The following ANKRD17 variants were observed in gnomAD, a reference collection of about 807,000 sequenced individuals.
ANKRD17 encodes ankyrin repeat domain-containing protein 17.
In ANKRD17, 19 loss-of-function variants were observed where a neutral mutation model predicts 229.7. The observed-to-expected ratio is 0.08, with a 90% confidence interval of 0.06 to 0.12. The LOEUF (loss-of-function observed/expected upper bound fraction) is 0.12, where lower values mean the gene tolerates loss of function less well. Ranked by LOEUF, ANKRD17 falls within the 10% of genes least tolerant of loss-of-function variation. The pLI is 1.00. For missense variants in ANKRD17, 2,176 were observed against 3,176.8 expected (o/e 0.68, Z 7.57); for synonymous variants, 1,112 against 1,146.1 (o/e 0.97, Z 0.60).
chr4:73,090,626 G>A (rs1460661084), intron 29 of ANKRD17, 41 bp downstream of exon 29: 1 of 1,609,786 alleles, frequency 6.2e-7, no homozygotes, highest in East Asian at 2.2e-5. Flanking sequence ...CATCACTTGT[G>A]CAAATGAACA....
intron 3 of ANKRD17, among the ~76,000 whole-genome samples, chr4:73,156,558 C>T (rs978673718): frequency 1.3e-5 from 2 of 152,150 alleles, no homozygotes; most frequent in Admixed American, 1.3e-4. Flanking sequence ...TTCTCCCTTG[C>T]TGTTCTCATG....
chr4:73,091,404 G>A lies in ANKRD17; in HGVS notation c.6224C>T (p.Ser2075Phe), dbSNP rs559453479. The change falls in exon 29 of 34, where the codon TCC becomes TTC. Residue 2075 changes from serine (S) to phenylalanine (F), a missense_variant. Around this residue, in one of 18 missense-constraint regions of ANKRD17, gnomAD observed 424 missense variants for 454.0 expected, o/e 0.93. Coordinates refer to ENST00000358602, the MANE Select transcript of ANKRD17 (RefSeq NM_032217.5). ...SASPNKVASS[S>F]EQEAGSPPVV... ...TGGTGGACTACCTGCTTCCTGTTCG[G>A]AGGAAGATGCCACTTTATTTGGAGA... 1.2e-6 allele frequency: 2 copies of A among 1,614,158 alleles called. No homozygotes were observed. Among genetic ancestry groups the A allele is most frequent in the Admixed American group, 1.7e-5 (1 of 60,024 alleles).
intron 16 of ANKRD17, among the ~76,000 whole-genome samples, chr4:73,134,477 T>G (rs1034437562): frequency 1.3e-5 from 2 of 152,134 alleles, no homozygotes; most frequent in Non-Finnish European, 2.9e-5. Context: ...CGCACTATTC[T>G]CTCCAATCTC....
At chr4:73,099,017 A>C in intron 25 of ANKRD17, 1 of 993,372 alleles carries the variant, frequency 1.0e-6, no homozygotes, top group Non-Finnish European at 1.6e-6. Context: ...GGGAAGCAAA[A>C]ACAAGGGAGC....
At chr4:73,217,548 C>T (rs2149190937) in intron 1 of ANKRD17, among the ~76,000 whole-genome samples, 1 of 151,722 alleles carries the variant, frequency 6.6e-6, no homozygotes, top group Admixed American at 6.6e-5. Context: ...TTTTTGTAGA[C>T]ATAGGGTCTC....
At chr4:73,077,136 C>A in intron 32 of ANKRD17, 32 bp from the exon 33 acceptor site, 1 of 1,523,778 alleles carries the variant, frequency 6.6e-7, no homozygotes, top group Non-Finnish European at 8.8e-7. Context: ...CATTAACATC[C>A]AAGTCATTGT....
chr4:73,229,434 T>C (rs1363487354), intron 1 of ANKRD17, among the ~76,000 whole-genome samples: 1 of 152,120 alleles, frequency 6.6e-6, no homozygotes, highest in African/African-American at 2.4e-5. Flanking sequence ...CTGAAATCAA[T>C]ATTAGTTTTA....
chr4:73,188,193 G>GA (rs906396115), intron 1 of ANKRD17, among the ~76,000 whole-genome samples: 20 of 147,408 alleles, frequency 1.4e-4, no homozygotes, highest in South Asian at 4.3e-4. Context: ...AAAAGAAAAG[G>GA]AAAAAAAAAG....
chr4:73,138,387 G>A (rs1185487052), intron 15 of ANKRD17, among the ~76,000 whole-genome samples: 1 of 152,024 alleles, frequency 6.6e-6, no homozygotes, highest in Non-Finnish European at 1.5e-5. Context: ...AGGCGGACTA[G>A]CAAACTTTAC....
At chr4:73,190,644 G>C (rs932867882) in intron 1 of ANKRD17, among the ~76,000 whole-genome samples, 2 of 151,274 alleles carry the variant, frequency 1.3e-5, no homozygotes, top group African/African-American at 4.8e-5. Context: ...GCTATCATTT[G>C]CAGAAAATAC....
intron 24 of ANKRD17, among the ~76,000 whole-genome samples, chr4:73,105,549 G>A (rs1724511523): frequency 6.6e-6 from 1 of 151,902 alleles, no homozygotes; most frequent in Admixed American, 6.6e-5. Flanking sequence ...CAAAAGTGGT[G>A]GGCATCAATA....
intron 1 of ANKRD17, among the ~76,000 whole-genome samples, chr4:73,238,177 T>C (rs1356058882): frequency 6.6e-6 from 1 of 152,128 alleles, no homozygotes; most frequent in South Asian, 2.1e-4. Flanking sequence ...AACAATTAAT[T>C]TATGAAAATC....
At chr4:73,086,920 ATAT>A (rs1351666594) in intron 29 of ANKRD17, among the ~76,000 whole-genome samples, 22 of 10,986 alleles carry the variant, frequency 2.0e-3, no homozygotes, top group Non-Finnish European at 2.9e-3. Flanking sequence ...AAAAAAAAAA[ATAT>A]ATATATATAT....
At chr4:73,204,836 C>G (rs1739236966) in intron 1 of ANKRD17, among the ~76,000 whole-genome samples, 1 of 151,968 alleles carries the variant, frequency 6.6e-6, no homozygotes, top group Non-Finnish European at 1.5e-5. Flanking sequence ...ATTACAAGCA[C>G]TAGAACAATC....
chr4:73,102,655 A>C (rs1187818057), intron 24 of ANKRD17, 108 bp from the exon 25 acceptor site: 3 of 1,262,752 alleles, frequency 2.4e-6, no homozygotes, highest in East Asian at 4.7e-5. Context: ...TAAAATTCAA[A>C]GTCATCTAGT....
At chr4:73,249,988 T>C (rs1041708207) in intron 1 of ANKRD17, among the ~76,000 whole-genome samples, 2 of 152,202 alleles carry the variant, frequency 1.3e-5, no homozygotes, top group African/African-American at 4.8e-5. Flanking sequence ...CTAGACCTCG[T>C]TTTAGTCATC....
chr4:73,204,825 T>C (rs1289751857), intron 1 of ANKRD17, among the ~76,000 whole-genome samples: 4 of 152,136 alleles, frequency 2.6e-5, no homozygotes, highest in Admixed American at 6.5e-5. Context: ...AACACATATA[T>C]ATTACAAGCA....
At chr4:73,098,693 A>AC in intron 25 of ANKRD17, 173 bp from the exon 26 acceptor site, 1 of 848,322 alleles carries the variant, frequency 1.2e-6, no homozygotes. Context: ...TACTCTGTGT[A>AC]CCCACGTTCT....
At chr4:73,183,341 T>A (rs1347519343) in intron 1 of ANKRD17, among the ~76,000 whole-genome samples, 1 of 152,186 alleles carries the variant, frequency 6.6e-6, no homozygotes, top group African/African-American at 2.4e-5. Flanking sequence ...CATACTGAAG[T>A]ATGAAGGAAT....
Sources: allele counts gnomAD v4.1 joint callset (sites outside exome capture counted in the v4.1 genomes callset), GRCh38; gene constraint gnomAD v4.1.1; regional missense constraint gnomAD v4.1.1; transcripts MANE v1.5; gene names NCBI Gene and HGNC (gene_info 2026-07-23, HGNC 2026-07-21).